AFDN: variants seen among roughly 807,000 people sequenced by gnomAD.
AFDN encodes the protein afadin, adherens junction formation factor, also known as afadin.
A neutral mutation model predicts 216.6 loss-of-function variants in AFDN; 68 were observed. That is an observed-to-expected ratio of 0.31 (90% CI 0.26 to 0.38). The LOEUF is 0.38. Among genes scored for constraint, AFDN ranks in the 10% least tolerant of loss-of-function variants. The pLI, the probability that AFDN is intolerant of heterozygous loss-of-function variation, is 1.00. For missense variants in AFDN, 2,136 were observed against 2,342.0 expected, an observed-to-expected ratio of 0.91 and a Z score of 1.82; for synonymous variants, 868 against 853.7, an observed-to-expected ratio of 1.02 and a Z score of -0.29.
chr6:167,870,616 C>T, intron 3 of AFDN, 118 bp downstream of exon 3: 1 of 520,596 alleles, frequency 1.9e-6, no homozygotes, highest in South Asian at 4.7e-5. Flanking sequence ...TTTATAAACC[C>T]TTTTACCCTC....
intron 21 of AFDN, among the ~76,000 whole-genome samples, chr6:167,920,778 G>A (rs1791690865): frequency 6.6e-6 from 1 of 151,952 alleles, no homozygotes; most frequent in South Asian, 2.1e-4. Context: ...TACCGTTGTC[G>A]GTACTCTACT....
Position 167,902,475 on chromosome 6 carries a change from A to G in AFDN, c.1650+89A>G, listed in dbSNP as rs377390265. On this transcript the variant is annotated intron_variant, in intron 12 of 33. Transcript: ENST00000683244. ...TAGTGGTGGGGGATGTGTTCCCCTTATTTGTGGGGGATGTGTTCCAAGACC... is the reference window on the plus strand; with the variant it reads ...TAGTGGTGGGGGATGTGTTCCCCTTGTTTGTGGGGGATGTGTTCCAAGACC... 99 of 950,472 alleles carry G rather than the reference A, an allele frequency of 1.0e-4. No individual in the cohort carries two copies. The African/African-American group carries it at 1.5e-3, about 14-fold the overall frequency. The allele number at this position is 950,472 out of a possible 1,614,324, so 58.9% of individuals were successfully genotyped here.
At chr6:167,862,634 C>T (rs1213237633) in intron 1 of AFDN, among the ~76,000 whole-genome samples, 1 of 152,212 alleles carries the variant, frequency 6.6e-6, no homozygotes, top group Non-Finnish European at 1.5e-5. Flanking sequence ...CTCGGCCTCC[C>T]GAAGTGCTGG....
intron 19 of AFDN, among the ~76,000 whole-genome samples, chr6:167,916,386 A>C (rs1336793579): frequency 6.6e-6 from 1 of 152,146 alleles, no homozygotes; most frequent in East Asian, 1.9e-4. Context: ...ACACAGTTTA[A>C]CTCATAAGTG....
At chr6:167,863,164 A>G (rs1433054941) in intron 1 of AFDN, among the ~76,000 whole-genome samples, 1 of 152,244 alleles carries the variant, frequency 6.6e-6, no homozygotes. Context: ...TGACACTCAA[A>G]GGAGAAATGC....
In AFDN at chr6:167,947,886, A is replaced by T. The variant is rs372149883; in HGVS notation, c.3587A>T (p.Tyr1196Phe). The T allele has an allele frequency of 6.2e-7, 1 of 1,613,932 alleles. No individual in the cohort carries two copies. The highest frequency in any genetic ancestry group is 8.5e-7 in the Non-Finnish European group (1 of 1,179,896). The part of the protein sequence containing the change: ...QPPSPGGKSA[Y>F]ASGTTAKITS... ...CCTAGTCCTGGAGGGAAAAGTGCAT[A>T]TGCCTCTGGAACAACAGCGAAGATA... The change falls in exon 28 of 34, where the codon TAT becomes TTT. Residue 1196 changes from tyrosine (Y) to phenylalanine (F), a missense_variant. Tyr to Phe is a conservative substitution (Grantham distance 22). Transcript: ENST00000683244.
chr6:167,906,693 A>G (rs1402043706), intron 12 of AFDN, among the ~76,000 whole-genome samples: 1 of 152,182 alleles, frequency 6.6e-6, no homozygotes, highest in Non-Finnish European at 1.5e-5. Flanking sequence ...GATTAAGGGC[A>G]AGAAAGAAGC....
intron 1 of AFDN, among the ~76,000 whole-genome samples, chr6:167,835,129 C>T (rs1780279785): frequency 3.3e-5 from 5 of 152,270 alleles, no homozygotes; most frequent in Middle Eastern, 6.8e-3. Context: ...TTTCCTTAAA[C>T]AATAACAAAA....
chr6:167,926,572 C>A (rs1454709054), intron 23 of AFDN, among the ~76,000 whole-genome samples: 1 of 152,224 alleles, frequency 6.6e-6, no homozygotes, highest in African/African-American at 2.4e-5. Context: ...GCTAGGACTA[C>A]AGGAGCATAC....
Position 167,927,709 on chromosome 6 carries a change from A to G in AFDN, c.3099+2618A>G, listed in dbSNP as rs561248042. On this transcript the variant is annotated intron_variant, in intron 23 of 33. Transcript: ENST00000683244. ...GGGTTCACCTGTGCAGGCAGAGGGT[A>G]GTCCAGGGCCCTTCAGTCCACCTCA... 1.6e-4 allele frequency among the ~76,000 whole-genome samples: 25 copies of G among 152,274 alleles called. 1 individual carries two copies. The highest frequency in any genetic ancestry group is 1.3e-3 in the Admixed American group (20 of 15,304).
chr6:167,952,086 C>A lies in AFDN; in HGVS notation c.4732C>A (p.Gln1578Lys), dbSNP rs1796051148. Residue 1578 changes from glutamine (Q) to lysine (K), a missense_variant, in exon 30 of 34, where the codon CAG (glutamine) becomes AAG (lysine). Gln to Lys is a moderately conservative substitution (Grantham distance 53, BLOSUM62 1). Around this residue, in one of 8 missense-constraint regions of AFDN, gnomAD observed 981 missense variants for 966.0 expected, o/e 1.02. Coordinates refer to ENST00000683244, the MANE Select transcript of AFDN (RefSeq NM_001386888.1). ...MLEWQFQKRL[Q>K]ESKQKDEDDE... ...GGAGTGGCAGTTCCAGAAGAGACTC[C>A]AGGAGTCGAAGCAGAAGGACGAAGA... 6.2e-7 allele frequency: 1 copy of A among 1,613,986 alleles called. No homozygotes were observed. The highest frequency in any genetic ancestry group is 8.5e-7 in the Non-Finnish European group (1 of 1,180,014).
chr6:167,937,218 CCTGTTACATTAT>C (rs1489920163), intron 23 of AFDN, among the ~76,000 whole-genome samples: 3 of 152,106 alleles, frequency 2.0e-5, no homozygotes, highest in Non-Finnish European at 1.5e-5. Flanking sequence ...AATGTGGATA[CCTGTTACATTAT>C]CTAGATCCGT....
At chr6:167,886,531 T>G (rs567757951) in intron 6 of AFDN, among the ~76,000 whole-genome samples, 1 of 152,230 alleles carries the variant, frequency 6.6e-6, no homozygotes, top group Non-Finnish European at 1.5e-5. Flanking sequence ...GCAAGAGAGC[T>G]CTGTTACAAT....
chr6:167,884,988 G>C (rs902118356), intron 6 of AFDN, among the ~76,000 whole-genome samples: 61 of 152,312 alleles, frequency 4.0e-4, no homozygotes, highest in African/African-American at 1.4e-3. Flanking sequence ...ACTTGCTGCA[G>C]CTTCTCCATT....
chr6:167,959,441 C>T lies in AFDN; in HGVS notation c.4834-2992C>T, dbSNP rs532812949. On this transcript the variant is annotated intron_variant, in intron 30 of 33. Transcript: ENST00000683244. Reference sequence around the variant, plus strand: ...GTTATGTCACTTACCAGAGGTACTCCGATTCAATCATTAATTTGTAATAAA... The same window carrying T: ...GTTATGTCACTTACCAGAGGTACTCTGATTCAATCATTAATTTGTAATAAA... Among the ~76,000 whole-genome samples, 20 of 152,202 alleles carry T rather than the reference C, an allele frequency of 1.3e-4. No homozygotes were observed. The East Asian group carries it at 3.5e-3, about 26-fold the overall frequency.
Position 167,951,269 on chromosome 6 carries a change from A to C in AFDN, c.3915A>C (p.Arg1305=), listed in dbSNP as rs751570080. ...ERHRIEAAMD[R]KSDSDMWINQ... Reference sequence around the variant, plus strand: ...ATCGAATAGAGGCAGCTATGGACCGAAAGTCTGATAGTGATATGTGGATAA... The same window carrying C: ...ATCGAATAGAGGCAGCTATGGACCGCAAGTCTGATAGTGATATGTGGATAA... The change falls in exon 30 of 34, where the codon CGA becomes CGC. Residue 1305 remains arginine (R), a synonymous_variant. Coordinates refer to ENST00000683244, the MANE Select transcript of AFDN (RefSeq NM_001386888.1). The surrounding 1 kb of genome is among the most constrained non-coding windows in gnomAD (Gnocchi z 7.1). 4 of 1,613,526 alleles carry C rather than the reference A, an allele frequency of 2.5e-6. No individual in the cohort carries two copies. The highest frequency in any genetic ancestry group is 2.7e-5 in the African/African-American group (2 of 74,902).
intron 29 of AFDN, 112 bp downstream of exon 29, chr6:167,948,590 C>A (rs1583015221): frequency 2.7e-5 from 28 of 1,030,344 alleles, no homozygotes; most frequent in East Asian, 1.9e-4. Flanking sequence ...TTTTGTTTTT[C>A]CTTTAATGGT....
chr6:167,890,177 G>A (rs967410614), intron 7 of AFDN, among the ~76,000 whole-genome samples: 1 of 152,120 alleles, frequency 6.6e-6, no homozygotes, highest in Non-Finnish European at 1.5e-5. Flanking sequence ...ATGTAGATTG[G>A]TAGTTTTAAA....
intron 1 of AFDN, among the ~76,000 whole-genome samples, chr6:167,857,511 T>C (rs1562561324): frequency 6.6e-6 from 1 of 152,124 alleles, no homozygotes; most frequent in Non-Finnish European, 1.5e-5. Flanking sequence ...ACTGGCTAGA[T>C]AGTTCCCTGT....
Sources: allele counts gnomAD v4.1 joint callset (sites outside exome capture counted in the v4.1 genomes callset), GRCh38; gene constraint gnomAD v4.1.1; regional missense constraint gnomAD v4.1.1; non-coding constraint Gnocchi (gnomAD v3.1); transcripts MANE v1.5; gene names NCBI Gene and HGNC (gene_info 2026-07-23, HGNC 2026-07-21).